The following P4HA1 variants were observed in gnomAD, a reference collection of about 807,000 sequenced individuals.
The protein encoded by P4HA1 is prolyl 4-hydroxylase subunit alpha-1.
A neutral mutation model predicts 72.8 loss-of-function variants in P4HA1; 24 were observed. That is an observed-to-expected ratio of 0.33 (90% confidence interval 0.24 to 0.46). The LOEUF (loss-of-function observed/expected upper bound fraction) is 0.46. Among genes scored for constraint, P4HA1 ranks in the 20% least tolerant of loss-of-function variants. The probability of loss-of-function intolerance (pLI) is 1.00; values close to 1 mark genes in which losing one functional copy is unlikely to be tolerated. For synonymous variants in P4HA1, 201 were observed against 218.8 expected, an observed-to-expected ratio of 0.92 and a Z score of 0.72; for missense variants, 446 against 640.6, an observed-to-expected ratio of 0.70 and a Z score of 3.28.
chr10:73,032,963 G>T (rs1399848673), intron 9 of P4HA1, among the ~76,000 whole-genome samples: 1 of 152,258 alleles, frequency 6.6e-6, no homozygotes, highest in South Asian at 2.1e-4. Flanking sequence ...TTTTGGGACT[G>T]GCTGAGTATT....
chr10:73,023,609 G>A (rs552196091), intron 10 of P4HA1, among the ~76,000 whole-genome samples: 51 of 152,138 alleles, frequency 3.4e-4, no homozygotes, highest in African/African-American at 1.0e-3. Context: ...AATAACCAGC[G>A]AACATCATAA....
At chr10:73,069,832 T>C (rs1841510807) in intron 4 of P4HA1, among the ~76,000 whole-genome samples, 2 of 146,070 alleles carry the variant, frequency 1.4e-5, no homozygotes, top group South Asian at 4.2e-4. Flanking sequence ...TTTGAGACAG[T>C]CTCACTCTGT....
chr10:73,051,363 T>G (rs1841015525), intron 6 of P4HA1, 114 bp from the exon 7 acceptor site: 7 of 618,678 alleles, frequency 1.1e-5, no homozygotes, highest in Non-Finnish European at 1.7e-5. Flanking sequence ...ACCAGGTTGC[T>G]GTTGTGAGTG....
At chr10:73,096,509 C>G (rs1262078498) in intron 1 of P4HA1, among the ~76,000 whole-genome samples, 3 of 151,958 alleles carry the variant, frequency 2.0e-5, no homozygotes, top group Non-Finnish European at 4.4e-5. Context: ...GAGGCTGCAG[C>G]AGCCCCAGCG....
chr10:73,035,771 C>T (rs1489067213), intron 9 of P4HA1, among the ~76,000 whole-genome samples: 2 of 152,182 alleles, frequency 1.3e-5, no homozygotes, highest in Non-Finnish European at 1.5e-5. Context: ...CAATGATTTA[C>T]ACCTACCCAT....
Position 73,009,810 on chromosome 10 carries a change from A to G in P4HA1, c.1531T>C (p.Trp511Arg). The change falls in exon 14 of 15, where the codon TGG becomes CGG. Residue 511 changes from tryptophan (W) to arginine (R), a missense_variant. By Grantham distance (101) the Trp-to-Arg change is moderately radical. Transcript: ENST00000394890. ...AACPVLVGNK[W>R]VSNKWLHERG... Reference sequence around the variant, plus strand: ...GCAGAATATATGAAATATTTACCCCATTTGTTGCCAACTAGCACTGGACAG... The same window carrying G: ...GCAGAATATATGAAATATTTACCCCGTTTGTTGCCAACTAGCACTGGACAG... 1 of 1,548,854 alleles carries G rather than the reference A, an allele frequency of 6.5e-7. No individual in the cohort carries two copies. The highest frequency in any genetic ancestry group is 8.9e-7 in the Non-Finnish European group (1 of 1,120,746).
At chr10:73,074,950 A>T (rs1841662567) in intron 1 of P4HA1, 35 bp from the exon 2 acceptor site, 2 of 729,412 alleles carry the variant, frequency 2.7e-6, no homozygotes, top group African/African-American at 1.8e-5. Flanking sequence ...GCCATTACTT[A>T]AAAAATACAA....
At chr10:73,051,307 G>GTAATATAGTAATATAAA in intron 6 of P4HA1, 58 bp from the exon 7 acceptor site, 1 of 883,522 alleles carries the variant, frequency 1.1e-6, no homozygotes, top group South Asian at 1.7e-5. Context: ...TCAAGCATCA[G>GTAATATAGTAATATAAA]AATATAGTAA....
chr10:73,095,293 T>C (rs1159401120), intron 1 of P4HA1, among the ~76,000 whole-genome samples: 2 of 126,866 alleles, frequency 1.6e-5, no homozygotes, highest in African/African-American at 5.9e-5. Flanking sequence ...GAAGACAAAA[T>C]ATAGTTGAGG....
At chr10:73,034,108 T>C (rs1840506328) in intron 9 of P4HA1, among the ~76,000 whole-genome samples, 1 of 151,996 alleles carries the variant, frequency 6.6e-6, no homozygotes. Flanking sequence ...TAGCTACTCA[T>C]AAGGCTGAAG....
At chr10:73,016,800 G>A (rs756704574) in intron 11 of P4HA1, 46 bp downstream of exon 11, 1 of 1,369,978 alleles carries the variant, frequency 7.3e-7, no homozygotes, top group Admixed American at 1.7e-5. Flanking sequence ...GACAAACAAT[G>A]TAATGCATAA....
chr10:73,060,918 T>TA (rs367890470), intron 5 of P4HA1, among the ~76,000 whole-genome samples: 4 of 152,258 alleles, frequency 2.6e-5, no homozygotes, highest in African/African-American at 9.6e-5. Flanking sequence ...TAAAGAAGAC[T>TA]AATTATAGAC....
At chr10:73,035,838 A>G (rs910532183) in intron 9 of P4HA1, among the ~76,000 whole-genome samples, 1 of 152,222 alleles carries the variant, frequency 6.6e-6, no homozygotes, top group African/African-American at 2.4e-5. Context: ...TTAGCAAGGC[A>G]AAAATATTTT....
intron 13 of P4HA1, among the ~76,000 whole-genome samples, chr10:73,010,539 T>C (rs112374590): frequency 2.6e-5 from 4 of 152,310 alleles, no homozygotes; most frequent in African/African-American, 7.2e-5. Context: ...TCATTACCTC[T>C]AAGTACTCGT....
In P4HA1 at chr10:73,093,394, G is replaced by A. The variant is rs79229872; in HGVS notation, c.-33+3372C>T. ...GAAAAAGAATGTTTTTCACCACACC[G>A]AGTTTAAAAACTGCTGGAGTAACCT... On this transcript the variant is annotated intron_variant, in intron 1 of 14. Transcript: ENST00000394890. Among the ~76,000 whole-genome samples, 827 of 152,118 alleles carry A rather than the reference G, an allele frequency of 5.4e-3. 22 individuals carry two copies. Among genetic ancestry groups the A allele is most frequent in the Admixed American group, 0.048 (740 of 15,276 alleles).
At chr10:73,023,343 A>G (rs1489863561) in intron 10 of P4HA1, among the ~76,000 whole-genome samples, 2 of 152,192 alleles carry the variant, frequency 1.3e-5, no homozygotes, top group African/African-American at 4.8e-5. Flanking sequence ...GCCAATATTC[A>G]ACATTCTTAA....
At position 73,009,972 on chromosome 10, in the gene P4HA1, T is replaced by C. The variant is rs768622438; in HGVS notation, c.1438-69A>G. 5.4e-3 allele frequency: 935 copies of C among 172,488 alleles called. 7 individuals carry two copies. Among genetic ancestry groups the C allele is most frequent in the African/African-American group, 0.029 (841 of 28,716 alleles). The allele number at this position is 172,488 out of a possible 1,614,324, so 10.7% of individuals were successfully genotyped here. ...GGTAATTGCTTTCGGTAGTTATTAC[T>C]TTTTTTTTTTTTTTGAGACAGAGTC... On this transcript the variant is annotated intron_variant, in intron 13 of 14. Coordinates refer to ENST00000394890, the MANE Select transcript of P4HA1 (RefSeq NM_001017962.3).
At position 73,059,423 on chromosome 10, in the gene P4HA1, T is replaced by TA. The variant is rs1564631461; in HGVS notation, c.464-5834_464-5833insT. Among the ~76,000 whole-genome samples the TA allele has an allele frequency of 1.9e-3, 91 of 47,576 alleles. 8 individuals are homozygous for TA. Among genetic ancestry groups the TA allele is most frequent in the African/African-American group, 6.4e-3 (71 of 11,096 alleles). 31.2% of individuals were successfully genotyped at this position (47,576 alleles called of 152,430 possible). On this transcript the variant is annotated intron_variant, in intron 5 of 14. Transcript: ENST00000394890. Reference sequence around the variant, plus strand: ...CGGGCAAAATAATGAGACAATATATTTAAAAAAAAAAAAAAAAAAAAAAAA... The same window carrying TA: ...CGGGCAAAATAATGAGACAATATATTATAAAAAAAAAAAAAAAAAAAAAAAA...
intron 10 of P4HA1, among the ~76,000 whole-genome samples, chr10:73,023,885 G>C (rs572821726): frequency 6.6e-6 from 1 of 151,082 alleles, no homozygotes; most frequent in South Asian, 2.1e-4. Flanking sequence ...GATCAAAAGA[G>C]ACAAAGAAGG....
Sources: allele counts gnomAD v4.1 joint callset (sites outside exome capture counted in the v4.1 genomes callset), GRCh38; gene constraint gnomAD v4.1.1; transcripts MANE v1.5; gene names NCBI Gene and HGNC (gene_info 2026-07-23, HGNC 2026-07-21).